PTPN9: variants seen among roughly 807,000 people sequenced by gnomAD.
PTPN9 encodes protein tyrosine phosphatase non-receptor type 9.
In PTPN9, 26 loss-of-function variants were observed where a neutral mutation model predicts 69.8. The ratio of observed to expected loss-of-function variants is 0.37; its 90% confidence interval spans 0.27 to 0.52. The LOEUF (loss-of-function observed/expected upper bound fraction) is 0.52. PTPN9 is among the 20% of genes least tolerant of loss of function. The probability of loss-of-function intolerance (pLI) is 0.91; values close to 1 mark genes in which losing one functional copy is unlikely to be tolerated. For missense variants in PTPN9, 549 were observed against 740.3 expected (o/e 0.74, Z 3.00); for synonymous variants, 274 against 272.5 (o/e 1.01, Z -0.05).
intron 1 of PTPN9, among the ~76,000 whole-genome samples, chr15:75,577,694 C>T (rs569944482): frequency 9.2e-5 from 14 of 152,328 alleles, no homozygotes; most frequent in African/African-American, 3.4e-4. Flanking sequence ...CAAATGTGGT[C>T]CTTGGAAACA....
intron 1 of PTPN9, among the ~76,000 whole-genome samples, chr15:75,540,421 C>T (rs926550733): frequency 6.6e-6 from 1 of 151,758 alleles, no homozygotes; most frequent in African/African-American, 2.4e-5. Context: ...GACGTGGTGG[C>T]ACATGCCTGT....
intron 12 of PTPN9, 38 bp downstream of exon 12, chr15:75,469,754 G>A (rs1434112145): frequency 6.3e-7 from 1 of 1,599,000 alleles, no homozygotes; most frequent in Non-Finnish European, 8.6e-7. Context: ...CACCCCTACT[G>A]CCCCTGCAGA....
chr15:75,543,824 A>G (rs753314303), intron 1 of PTPN9, among the ~76,000 whole-genome samples: 2 of 152,196 alleles, frequency 1.3e-5, no homozygotes, highest in Non-Finnish European at 2.9e-5. Flanking sequence ...TTTTGAAACT[A>G]TGCCACCAAA....
intron 7 of PTPN9, among the ~76,000 whole-genome samples, chr15:75,494,957 G>T (rs1262052123): frequency 1.3e-5 from 2 of 152,058 alleles, no homozygotes; most frequent in Non-Finnish European, 2.9e-5. Flanking sequence ...CCAGAAGGTG[G>T]AGGTTGCGGT....
chr15:75,511,981 T>C (rs939887301), intron 5 of PTPN9, among the ~76,000 whole-genome samples: 1 of 151,832 alleles, frequency 6.6e-6, no homozygotes, highest in Admixed American at 6.6e-5. Flanking sequence ...TAGCTGGGAT[T>C]ACGGGCGTGT....
intron 7 of PTPN9, among the ~76,000 whole-genome samples, chr15:75,498,088 T>G (rs2074753146): frequency 6.6e-6 from 1 of 150,888 alleles, no homozygotes; most frequent in African/African-American, 2.4e-5. Flanking sequence ...CCCAGCTACT[T>G]GGGAGACTGA....
chr15:75,525,851 G>A (rs997373716), intron 2 of PTPN9, among the ~76,000 whole-genome samples: 10 of 151,774 alleles, frequency 6.6e-5, no homozygotes, highest in Non-Finnish European at 1.3e-4. Flanking sequence ...TTGAGCTCAG[G>A]AGGCAGAGAT....
chr15:75,577,832 G>A (rs376698965), intron 1 of PTPN9, among the ~76,000 whole-genome samples: 39 of 152,252 alleles, frequency 2.6e-4, no homozygotes, highest in African/African-American at 9.4e-4. Flanking sequence ...CTATGGCGGG[G>A]TATGGGCAGT....
At chr15:75,517,193 A>G in intron 5 of PTPN9, 66 bp downstream of exon 5, 1 of 1,222,546 alleles carries the variant, frequency 8.2e-7, no homozygotes, top group Admixed American at 2.5e-5. Flanking sequence ...CTTTTCCCAA[A>G]GAATTAAAAA....
At chr15:75,535,324 A>G (rs140721955) in intron 1 of PTPN9, among the ~76,000 whole-genome samples, 4 of 152,254 alleles carry the variant, frequency 2.6e-5, no homozygotes, top group Non-Finnish European at 5.9e-5. Flanking sequence ...TAAAGGACCA[A>G]TTATTCCTTA....
chr15:75,542,835 A>AT (rs928454679), intron 1 of PTPN9, among the ~76,000 whole-genome samples: 92 of 136,796 alleles, frequency 6.7e-4, no homozygotes, highest in South Asian at 2.1e-3. Flanking sequence ...CAATCCCTTC[A>AT]TTTTTTTTTT....
At chr15:75,562,638 T>C (rs1465208608) in intron 1 of PTPN9, among the ~76,000 whole-genome samples, 2 of 152,014 alleles carry the variant, frequency 1.3e-5, no homozygotes, top group Non-Finnish European at 2.9e-5. Flanking sequence ...GAGACCATCC[T>C]GGCTAACACG....
intron 1 of PTPN9, among the ~76,000 whole-genome samples, chr15:75,559,768 CAAA>C (rs5813803): frequency 1.1e-5 from 1 of 95,066 alleles, no homozygotes. Context: ...GAATGGTCAA[CAAA>C]AAAAAAAAAA....
intron 8 of PTPN9, among the ~76,000 whole-genome samples, 160 bp downstream of exon 8, chr15:75,490,048 G>GC (rs2074700114): frequency 6.6e-6 from 1 of 152,190 alleles, no homozygotes; most frequent in Admixed American, 6.5e-5. Context: ...TTGAGGACTT[G>GC]CCTATGGTCA....
intron 1 of PTPN9, among the ~76,000 whole-genome samples, chr15:75,538,683 T>C (rs1037949924): frequency 6.7e-6 from 1 of 149,572 alleles, no homozygotes; most frequent in Non-Finnish European, 1.5e-5. Flanking sequence ...CCAGACCCTG[T>C]CTCAAAAAAA....
At chr15:75,477,833 CTTTTTTTT>C (rs1196645006) in intron 9 of PTPN9, among the ~76,000 whole-genome samples, 2 of 91,798 alleles carry the variant, frequency 2.2e-5, no homozygotes, top group Non-Finnish European at 4.1e-5. Context: ...ATCAGATACT[CTTTTTTTT>C]TTTTTTTTTT....
At chr15:75,550,250 C>T (rs950627436) in intron 1 of PTPN9, among the ~76,000 whole-genome samples, 1 of 150,348 alleles carries the variant, frequency 6.7e-6, no homozygotes, top group Non-Finnish European at 1.5e-5. Flanking sequence ...ACTGCAACCT[C>T]CACCTCCCGG....
At chr15:75,470,525 T>C (rs1189220784) in intron 11 of PTPN9, among the ~76,000 whole-genome samples, 155 bp downstream of exon 11, 1 of 152,250 alleles carries the variant, frequency 6.6e-6, no homozygotes, top group African/African-American at 2.4e-5. Context: ...TATGGCTATA[T>C]TGGCTGTGAG....
chr15:75,480,780 C>T lies in PTPN9; in HGVS notation c.1063-866G>A, dbSNP rs1314833462. 7.3e-6 allele frequency: 8 copies of T among 1,098,510 alleles called. No homozygotes were observed. The African/African-American group carries it at 1.0e-4, about 14-fold the overall frequency. 68.0% of individuals were successfully genotyped at this position (1,098,510 alleles called of 1,614,324 possible). On this transcript the variant is annotated intron_variant, in intron 8 of 12. Transcript: ENST00000618819. The stretch of plus-strand genomic sequence containing the variant: ...TGCCGCCGCGCCGGCGAGCGCCGCC[C>T]GCGAGGCAGCGGCTGGAGGAGCGGA...
Sources: gnomAD v4.1 joint callset for allele counts (sites outside exome capture counted in the v4.1 genomes callset) on GRCh38, gnomAD v4.1.1 for gene constraint, MANE v1.5 for transcripts, NCBI Gene and HGNC (gene_info 2026-07-23, HGNC 2026-07-21) for gene names.